HEATR4: variants seen among roughly 807,000 people sequenced by gnomAD.
HEATR4 encodes the protein HEAT repeat containing 4, also known as HEAT repeat-containing protein 4.
HEATR4 carries 95 observed loss-of-function variants against 108.8 expected under a neutral mutation model. That is an observed-to-expected ratio of 0.87 (90% CI 0.74 to 1.04). The LOEUF is 1.04. Among genes scored for constraint, HEATR4 ranks in the 50% least tolerant of loss-of-function variants. The pLI, the probability that HEATR4 is intolerant of heterozygous loss-of-function variation, is 0.00. For synonymous variants in HEATR4, 443 were observed against 459.4 expected, an observed-to-expected ratio of 0.96 and a Z score of 0.46; for missense variants, 1,152 against 1,253.8, an observed-to-expected ratio of 0.92 and a Z score of 1.23.
the HEATR4 span, among the ~76,000 whole-genome samples, chr14:73,570,132 G>A: frequency 6.7e-6 from 1 of 149,218 alleles, no homozygotes; most frequent in Non-Finnish European, 1.5e-5. Context: ...TTCCGTCCCT[G>A]CCCTTTTCAC....
At chr14:73,572,521 A>C in the HEATR4 span, among the ~76,000 whole-genome samples, 18 of 151,598 alleles carry the variant, frequency 1.2e-4, no homozygotes, top group East Asian at 3.5e-3. Context: ...AGAGTGATAC[A>C]CAGAAAGTCC....
rs1887811694 is a variant in HEATR4 at position 73,519,087 on chromosome 14, CTTG to C, written c.1143_1145del (p.Asn381del). On this transcript the variant is annotated inframe_deletion, in exon 5 of 18. Transcript: ENST00000553558. ...TTTCAGGGAAGACCTTAGATAGCTG[CTTG>C]TTGTACCGATTTAGGTTTTCCAGGA... The C allele has an allele frequency of 6.2e-7, 1 of 1,613,936 alleles. No individual in the cohort carries two copies. Among genetic ancestry groups the C allele is most frequent in the Admixed American group, 1.7e-5 (1 of 59,994 alleles).
chr14:73,567,040 C>T, the HEATR4 span, among the ~76,000 whole-genome samples: 2 of 151,826 alleles, frequency 1.3e-5, no homozygotes, highest in East Asian at 3.9e-4. Flanking sequence ...ATCTCCTGAC[C>T]TCATGATCCA....
the HEATR4 span, among the ~76,000 whole-genome samples, chr14:73,605,113 C>T: frequency 6.6e-6 from 1 of 151,498 alleles, no homozygotes; most frequent in Non-Finnish European, 1.5e-5. Context: ...AAAAAAAAAC[C>T]TTTTTCCAGC....
intron 13 of HEATR4, 57 bp downstream of exon 13, chr14:73,499,014 C>T: frequency 2.1e-6 from 3 of 1,462,776 alleles, no homozygotes; most frequent in Middle Eastern, 1.7e-4. Flanking sequence ...ATCATTTCTA[C>T]TTGCATAGGC....
intron 17 of HEATR4, chr14:73,491,283 C>G (rs1178112010): frequency 6.4e-7 from 1 of 1,556,806 alleles, no homozygotes; most frequent in Non-Finnish European, 8.7e-7. Context: ...GCGGCCGTCC[C>G]GGACGCAGCC....
At chr14:73,537,840 G>C in intron 1 of HEATR4, 1 of 1,208,228 alleles carries the variant, frequency 8.3e-7, no homozygotes, top group Non-Finnish European at 1.1e-6. Context: ...GAGCCGGTGC[G>C]CGCGGGCCGG....
intron 12 of HEATR4, 27 bp from the exon 13 acceptor site, chr14:73,499,167 G>C (rs1355975771): frequency 1.3e-6 from 2 of 1,599,102 alleles, no homozygotes; most frequent in Admixed American, 3.3e-5. Flanking sequence ...AGTGTTGAGT[G>C]GGGAGGACCA....
At chr14:73,625,048 A>C in the HEATR4 span, among the ~76,000 whole-genome samples, 1 of 151,422 alleles carries the variant, frequency 6.6e-6, no homozygotes, top group Non-Finnish European at 1.5e-5. Context: ...CGGTCTTTTC[A>C]TTATTTTATT....
Position 73,540,742 on chromosome 14 carries a change from C to CTT in HEATR4, c.-151-10500_-151-10499dup, listed in dbSNP as rs200357086. On this transcript the variant is annotated intron_variant, in intron 1 of 17. Coordinates refer to ENST00000553558, the MANE Select transcript of HEATR4 (RefSeq NM_001220484.1). The stretch of plus-strand genomic sequence containing the variant: ...GTGTTGCCTGTAAGGTGTTTGCATT[C>CTT]TTTTTTTTTTTTTTTTTTTGAGACA... Among the ~76,000 whole-genome samples, 450 of 81,124 alleles carry CTT rather than the reference C, an allele frequency of 5.5e-3. 10 individuals are homozygous for CTT. The highest frequency in any genetic ancestry group is 0.017 in the African/African-American group (420 of 25,442). 53.2% of individuals were successfully genotyped at this position (81,124 alleles called of 152,430 possible). A position where few individuals can be genotyped will look rare whatever the true frequency, so the allele number is the denominator to read the frequency against.
chr14:73,591,218 G>A, the HEATR4 span, among the ~76,000 whole-genome samples: 3 of 149,462 alleles, frequency 2.0e-5, no homozygotes, highest in Admixed American at 6.6e-5. Flanking sequence ...CCGCCTTGCA[G>A]CCTGGATGAC....
In HEATR4 at chr14:73,506,489, C is replaced by A; in HGVS notation, c.1964G>T (p.Arg655Leu). The change falls in exon 10 of 18, where the codon CGG becomes CTG. Residue 655 changes from arginine (R) to leucine (L), a missense_variant. By Grantham distance (102) the Arg-to-Leu change is moderately radical. Transcript: ENST00000553558. ...TACCAAGCAGACATTTCCACTGATC[C>A]GGGAGAAAGCCTGGCAGGCCACAAT... ...NRIVACQAFS[R>L]ISGNVCLDMK... 1 of 1,613,586 alleles carries A rather than the reference C, an allele frequency of 6.2e-7. No individual in the cohort carries two copies. Among genetic ancestry groups the A allele is most frequent in the Non-Finnish European group, 8.5e-7 (1 of 1,179,864 alleles).
In HEATR4 at chr14:73,500,632, A is replaced by G. The variant is rs1475892550; in HGVS notation, c.2204T>C (p.Leu735Pro). Reference protein sequence around the residue: ...LMTAKLLPSFLHCFSDDFTAV... With the variant: ...LMTAKLLPSFPHCFSDDFTAV... The stretch of plus-strand genomic sequence containing the variant: ...TGTGAAGTCATCAGAGAAGCAGTGC[A>G]GGAAGCTTGGGAGAAGCTTGGCGGT... The change falls in exon 12 of 18, where the codon CTG (leucine) becomes CCG (proline). Residue 735 changes from leucine (L) to proline (P), a missense_variant. Transcript: ENST00000553558. 2.5e-6 allele frequency: 4 copies of G among 1,614,220 alleles called. No homozygotes were observed. The highest frequency in any genetic ancestry group is 3.4e-6 in the Non-Finnish European group (4 of 1,180,046).
the HEATR4 span, among the ~76,000 whole-genome samples, chr14:73,585,509 A>AC: frequency 1.3e-5 from 2 of 151,732 alleles, no homozygotes; most frequent in Non-Finnish European, 2.9e-5. Flanking sequence ...ACATGGTGAG[A>AC]CCCCGTCTCT....
At chr14:73,515,780 G>A (rs1384885260) in intron 5 of HEATR4, among the ~76,000 whole-genome samples, 3 of 113,392 alleles carry the variant, frequency 2.6e-5, no homozygotes, top group African/African-American at 3.5e-5. Flanking sequence ...CAGCTTGGAC[G>A]TGCTGGGGGA....
the HEATR4 span, among the ~76,000 whole-genome samples, chr14:73,619,003 G>A: frequency 0.32 from 49,274 of 151,818 alleles, 9,697 homozygotes; most frequent in East Asian, 0.65. Context: ...GGTGGTGGGC[G>A]CCTGTAATCC....
chr14:73,521,451 T>C (rs961044195), intron 3 of HEATR4, among the ~76,000 whole-genome samples: 2 of 152,256 alleles, frequency 1.3e-5, no homozygotes, highest in African/African-American at 4.8e-5. Context: ...GTGGACAGGC[T>C]GTAAGCTCCT....
chr14:73,580,320 G>A, the HEATR4 span, among the ~76,000 whole-genome samples: 7 of 152,036 alleles, frequency 4.6e-5, no homozygotes, highest in East Asian at 3.9e-4. Context: ...TAGAAACAGC[G>A]TCTTATGTTG....
rs1369872700 is a variant in HEATR4, at chr14:73,551,636, C to T, written c.-152+7115G>A. Among the ~76,000 whole-genome samples the T allele has an allele frequency of 5.4e-5, 6 of 111,572 alleles. 2 individuals carry two copies. In the Admixed American group the frequency reaches 6.2e-4, roughly 11 times the overall value. 73.2% of individuals were successfully genotyped at this position (111,572 alleles called of 152,430 possible). A position where few individuals can be genotyped will look rare whatever the true frequency, so the allele number is the denominator to read the frequency against. ...CAGCCTGACCAACATGGTGAAACAC[C>T]GTCTCTACTAAAAATACACAAATTA... is the stretch of plus-strand genomic sequence containing the variant. On this transcript the variant is annotated intron_variant, in intron 1 of 17. Coordinates refer to ENST00000553558, the MANE Select transcript of HEATR4 (RefSeq NM_001220484.1).
Sources: allele counts gnomAD v4.1 joint callset (sites outside exome capture counted in the v4.1 genomes callset), GRCh38; gene constraint gnomAD v4.1.1; transcripts MANE v1.5; gene names NCBI Gene and HGNC (gene_info 2026-07-23, HGNC 2026-07-21).